The following FGF5 variants were observed in gnomAD, a reference collection of about 807,000 sequenced individuals.
FGF5 encodes fibroblast growth factor 5.
Under a neutral mutation model 21.8 loss-of-function variants are expected in FGF5, and 23 were observed. The observed-to-expected ratio is 1.05, with a 90% CI of 0.76 to 1.49. The LOEUF (loss-of-function observed/expected upper bound fraction) is 1.49, where lower values mean the gene tolerates loss of function less well. FGF5 is among the 40% of genes most tolerant of loss of function. FGF5 has a pLI of 0.00. For missense variants in FGF5, 352 were observed against 332.9 expected (o/e 1.06, Z -0.45); for synonymous variants, 158 against 124.0 (o/e 1.27, Z -1.82).
chr4:80,277,074 T>G (rs931667387), intron 2 of FGF5, among the ~76,000 whole-genome samples: 2 of 152,194 alleles, frequency 1.3e-5, no homozygotes, highest in Admixed American at 1.3e-4. Context: ...ATTAGAAAGG[T>G]CAAACTGAGA....
intron 2 of FGF5, among the ~76,000 whole-genome samples, chr4:80,282,049 GC>G (rs1340050475): frequency 6.6e-6 from 1 of 151,904 alleles, no homozygotes; most frequent in Non-Finnish European, 1.5e-5. Flanking sequence ...TGCAACCTCC[GC>G]CCCCTGGGTT....
At chr4:80,278,078 T>A (rs2109924106) in intron 2 of FGF5, among the ~76,000 whole-genome samples, 1 of 152,260 alleles carries the variant, frequency 6.6e-6, no homozygotes, top group Non-Finnish European at 1.5e-5. Context: ...TTTCTCTTTC[T>A]TTTTAAATGC....
chr4:80,274,622 GA>G (rs1346475278), intron 1 of FGF5, among the ~76,000 whole-genome samples: 3 of 151,962 alleles, frequency 2.0e-5, no homozygotes, highest in Non-Finnish European at 4.4e-5. Context: ...TAAAACCTGA[GA>G]AAACTTCATG....
At chr4:80,285,198 TC>T (rs1007620171) in intron 2 of FGF5, among the ~76,000 whole-genome samples, 6 of 152,268 alleles carry the variant, frequency 3.9e-5, no homozygotes, top group Non-Finnish European at 7.4e-5. Context: ...TCCCCCATTC[TC>T]CCACATATTC....
chr4:80,278,887 C>T (rs1720484438), intron 2 of FGF5, among the ~76,000 whole-genome samples: 4 of 149,162 alleles, frequency 2.7e-5, no homozygotes, highest in South Asian at 2.2e-4. Flanking sequence ...TATCAAGAAT[C>T]ATCAAGAGCA....
At chr4:80,283,037 C>T (rs17532617) in intron 2 of FGF5, among the ~76,000 whole-genome samples, 8,361 of 152,180 alleles carry the variant, frequency 0.055, 316 homozygotes, top group Non-Finnish European at 0.083. Context: ...TTGTCTGAGC[C>T]AGACCGGGAA....
Position 80,284,120 on chromosome 4 carries a change from C to T in FGF5, c.460-2205C>T, listed in dbSNP as rs1041313201. Among the ~76,000 whole-genome samples, 5 of 152,132 alleles carry T rather than the reference C, an allele frequency of 3.3e-5. No individual in the cohort carries two copies. The South Asian group carries it at 1.0e-3, about 31-fold the overall frequency. On this transcript the variant is annotated intron_variant, in intron 2 of 2. Transcript: ENST00000312465. ...TAGACAGGGTGAAAGGGATGCCATACATAGGTGGTGATTGTTTATAATACC... is the reference window on the plus strand; with the variant it reads ...TAGACAGGGTGAAAGGGATGCCATATATAGGTGGTGATTGTTTATAATACC...
In FGF5 at chr4:80,266,763, A is replaced by T. The variant is rs910732178; in HGVS notation, c.-62A>T. 1 of 1,363,278 alleles carries T rather than the reference A, an allele frequency of 7.3e-7. No homozygotes were observed. The highest frequency in any genetic ancestry group is 1.0e-6 in the Non-Finnish European group (1 of 1,004,290). 84.4% of individuals were successfully genotyped at this position (1,363,278 alleles called of 1,614,324 possible). A position where few individuals can be genotyped will look rare whatever the true frequency, so the allele number is the denominator to read the frequency against. On this transcript the variant is annotated 5_prime_UTR_variant, in exon 1 of 3. Transcript: ENST00000312465. ...CAGAGCCAGAGGCACGCAGCCGCACAGGGGCTACAGAGCCCAGAATCAGCC... is the reference window on the plus strand; with the variant it reads ...CAGAGCCAGAGGCACGCAGCCGCACTGGGGCTACAGAGCCCAGAATCAGCC...
At position 80,287,357 on chromosome 4, in the gene FGF5, T is replaced by G. The variant is rs1222917789; in HGVS notation, c.*685T>G. ...CACAGCACCAAAGGCTCAGCTTGGA[T>G]TTGTGTGTATGTGTATGTCAATTCA... On this transcript the variant is annotated 3_prime_UTR_variant, in exon 3 of 3. Coordinates refer to ENST00000312465, the MANE Select transcript of FGF5 (RefSeq NM_004464.4). The G allele has an allele frequency of 6.6e-6, 1 of 152,158 alleles. No individual in the cohort carries two copies. Among genetic ancestry groups the G allele is most frequent in the Non-Finnish European group, 1.5e-5 (1 of 68,032 alleles). 9.4% of individuals were successfully genotyped at this position (152,158 alleles called of 1,614,324 possible). A position where few individuals can be genotyped will look rare whatever the true frequency, so the allele number is the denominator to read the frequency against.
intron 1 of FGF5, among the ~76,000 whole-genome samples, chr4:80,272,285 T>C (rs866399331): frequency 2.0e-5 from 3 of 152,190 alleles, no homozygotes; most frequent in Admixed American, 2.0e-4. Flanking sequence ...TCAGGCACTA[T>C]ATCATTTTTA....
chr4:80,285,874 T>C (rs193140924), intron 2 of FGF5, among the ~76,000 whole-genome samples: 1 of 152,328 alleles, frequency 6.6e-6, no homozygotes, highest in East Asian at 1.9e-4. Flanking sequence ...TTCAAAGGAA[T>C]AATTTTGACC....
At chr4:80,281,363 T>C (rs1223174390) in intron 2 of FGF5, among the ~76,000 whole-genome samples, 5 of 152,224 alleles carry the variant, frequency 3.3e-5, no homozygotes, top group Non-Finnish European at 1.5e-5. Flanking sequence ...GAGCAAAATT[T>C]GGTCTATAGT....
At chr4:80,286,209 G>A (rs1578299114) in intron 2 of FGF5, 116 bp from the exon 3 acceptor site, 15 of 664,790 alleles carry the variant, frequency 2.3e-5, no homozygotes, top group South Asian at 2.8e-5. Flanking sequence ...AAGGAATTGA[G>A]TAGGAGGAAC....
intron 2 of FGF5, among the ~76,000 whole-genome samples, chr4:80,277,301 T>C (rs1381554626): frequency 6.6e-6 from 1 of 152,152 alleles, no homozygotes; most frequent in African/African-American, 2.4e-5. Flanking sequence ...AGCTCTTTGA[T>C]ATAAAAGTCA....
Position 80,289,824 on chromosome 4 carries a change from C to T in FGF5, c.*3152C>T, listed in dbSNP as rs940595843. ...ATGTGACAATAATAAGGGATACTGA[C>T]AGAAGTTATTTCCAAGTTTGTGTAT... On this transcript the variant is annotated 3_prime_UTR_variant, in exon 3 of 3. Transcript: ENST00000312465. 2 of 152,032 alleles carry T rather than the reference C, an allele frequency of 1.3e-5. No individual in the cohort carries two copies. Among genetic ancestry groups the T allele is most frequent in the Admixed American group, 1.3e-4 (2 of 15,270 alleles). The allele number at this position is 152,032 out of a possible 1,614,324, so 9.4% of individuals were successfully genotyped here.
Position 80,287,571 on chromosome 4 carries a change from C to T in FGF5, c.*899C>T, listed in dbSNP as rs921231939. The T allele has an allele frequency of 2.0e-5, 3 of 152,128 alleles. No homozygotes were observed. Among genetic ancestry groups the T allele is most frequent in the African/African-American group, 7.2e-5 (3 of 41,426 alleles). The allele number at this position is 152,128 out of a possible 1,614,324, so 9.4% of individuals were successfully genotyped here. A position where few individuals can be genotyped will look rare whatever the true frequency, so the allele number is the denominator to read the frequency against. On this transcript the variant is annotated 3_prime_UTR_variant, in exon 3 of 3. Coordinates refer to ENST00000312465, the MANE Select transcript of FGF5 (RefSeq NM_004464.4). ...GTCTTGCCTTCATTTCTCTTTTTAT[C>T]TCCCCCTTGCCCTCATTCTTGAACA... is the stretch of plus-strand genomic sequence containing the variant.
At chr4:80,279,695 G>C (rs561695242) in intron 2 of FGF5, among the ~76,000 whole-genome samples, 1 of 152,186 alleles carries the variant, frequency 6.6e-6, no homozygotes, top group African/African-American at 2.4e-5. Flanking sequence ...TATAAATCTT[G>C]GAAAAGGTGG....
At chr4:80,284,595 A>G (rs1410700397) in intron 2 of FGF5, among the ~76,000 whole-genome samples, 2 of 152,230 alleles carry the variant, frequency 1.3e-5, no homozygotes, top group Admixed American at 1.3e-4. Context: ...AACTTTGTTG[A>G]TTGAACTACA....
intron 1 of FGF5, among the ~76,000 whole-genome samples, chr4:80,270,425 T>C (rs1720238122): frequency 6.6e-6 from 1 of 152,020 alleles, no homozygotes; most frequent in Admixed American, 6.6e-5. Flanking sequence ...AAGTGCACCA[T>C]GGCCATGGAC....
Sources: allele counts gnomAD v4.1 joint callset (sites outside exome capture counted in the v4.1 genomes callset), GRCh38; gene constraint gnomAD v4.1.1; transcripts MANE v1.5; gene names NCBI Gene and HGNC (gene_info 2026-07-23, HGNC 2026-07-21).